Variants in FBXL13 observed in about 807,000 individuals in gnomAD.
The protein encoded by FBXL13 is F-box and leucine rich repeat protein 13.
A neutral mutation model predicts 83.6 loss-of-function variants in FBXL13; 67 were observed. That is an observed-to-expected ratio of 0.80 (90% CI 0.66 to 0.98). The LOEUF (loss-of-function observed/expected upper bound fraction) is 0.98. Ranked by LOEUF, FBXL13 falls within the 50% of genes least tolerant of loss-of-function variation. The pLI is 0.00. For missense variants in FBXL13, 822 were observed against 866.5 expected (o/e 0.95, Z 0.64); for synonymous variants, 272 against 299.5 (o/e 0.91, Z 0.95).
chr7:102,812,677 GCTTT>G (rs1054761906), downstream of FBXL13, among the ~76,000 whole-genome samples: 1 of 151,928 alleles, frequency 6.6e-6, no homozygotes, highest in African/African-American at 2.4e-5. Flanking sequence ...GGCCATCTCT[GCTTT>G]CTTTTTCCTT....
chr7:103,038,388 A>T (rs1795295588), intron 2 of FBXL13, among the ~76,000 whole-genome samples: 1 of 152,254 alleles, frequency 6.6e-6, no homozygotes, highest in South Asian at 2.1e-4. Context: ...GACAGGGCAT[A>T]GTAGAACAAA....
At chr7:102,829,761 A>G (rs1375614636) in intron 18 of FBXL13, among the ~76,000 whole-genome samples, 6 of 152,168 alleles carry the variant, frequency 3.9e-5, no homozygotes, top group African/African-American at 1.2e-4. Context: ...AGATAAGGTG[A>G]CCATTCAAAA....
chr7:102,898,238 C>T (rs1812510383), intron 11 of FBXL13, among the ~76,000 whole-genome samples: 2 of 151,954 alleles, frequency 1.3e-5, no homozygotes, highest in South Asian at 2.1e-4. Flanking sequence ...CATATATATC[C>T]ATGTATATAT....
chr7:103,024,458 C>T (rs1368384344), intron 6 of FBXL13, among the ~76,000 whole-genome samples: 2 of 138,468 alleles, frequency 1.4e-5, no homozygotes, highest in African/African-American at 5.4e-5. Context: ...ACCCAGGAGG[C>T]GGAGGTTGCA....
At chr7:102,943,351 C>A (rs1478959309) in intron 8 of FBXL13, among the ~76,000 whole-genome samples, 1 of 146,636 alleles carries the variant, frequency 6.8e-6, no homozygotes. Flanking sequence ...AAAAAAAAAG[C>A]CCAAAATACA....
intron 11 of FBXL13, among the ~76,000 whole-genome samples, chr7:102,900,962 G>A (rs746393188): frequency 2.6e-5 from 4 of 152,208 alleles, no homozygotes; most frequent in Non-Finnish European, 5.9e-5. Context: ...TACACATTTA[G>A]AAACTCAAAT....
At chr7:102,877,038 C>T (rs1023623014) in intron 16 of FBXL13, among the ~76,000 whole-genome samples, 2 of 152,144 alleles carry the variant, frequency 1.3e-5, no homozygotes, top group Admixed American at 6.5e-5. Flanking sequence ...ATTCCATATC[C>T]TTTTGTAGAT....
intron 6 of FBXL13, among the ~76,000 whole-genome samples, chr7:103,018,347 C>G (rs1355044534): frequency 1.3e-5 from 2 of 152,142 alleles, no homozygotes; most frequent in Non-Finnish European, 1.5e-5. Flanking sequence ...AAAGGAACAA[C>G]CGGTACCAGC....
intron 2 of FBXL13, among the ~76,000 whole-genome samples, chr7:103,043,078 A>G (rs1795901245): frequency 6.6e-6 from 1 of 152,234 alleles, no homozygotes; most frequent in Non-Finnish European, 1.5e-5. Flanking sequence ...TCATCTGACA[A>G]AGGGCTAATA....
chr7:102,843,379 G>A (rs1316117089), intron 17 of FBXL13, among the ~76,000 whole-genome samples: 2 of 152,136 alleles, frequency 1.3e-5, no homozygotes, highest in East Asian at 3.8e-4. Context: ...GGAGGCAGAG[G>A]TTGCAGTGAG....
chr7:102,850,254 C>T (rs6967389), intron 17 of FBXL13, among the ~76,000 whole-genome samples: 29,164 of 151,822 alleles, frequency 0.19, 3,064 homozygotes, highest in East Asian at 0.43. Flanking sequence ...CTGGACCCCA[C>T]AGAATCAAAA....
intron 2 of FBXL13, among the ~76,000 whole-genome samples, chr7:103,033,092 C>A (rs1236662459): frequency 6.6e-6 from 1 of 152,108 alleles, no homozygotes; most frequent in Non-Finnish European, 1.5e-5. Context: ...TACACACTCA[C>A]ACACACAGAG....
intron 3 of FBXL13, 98 bp from the exon 5 acceptor site, chr7:103,028,846 T>A: frequency 9.5e-7 from 1 of 1,051,324 alleles, no homozygotes; most frequent in Non-Finnish European, 1.3e-6. Flanking sequence ...ATCTCCTTTA[T>A]GACCTCAAAA....
At chr7:102,855,854 T>C (rs895599395) in intron 16 of FBXL13, among the ~76,000 whole-genome samples, 16 of 152,014 alleles carry the variant, frequency 1.1e-4, no homozygotes, top group African/African-American at 3.9e-4. Context: ...GTTTGTTTTG[T>C]TTTGCTTTGC....
intron 6 of FBXL13, among the ~76,000 whole-genome samples, chr7:102,980,918 A>G (rs1030084990): frequency 4.7e-4 from 1 of 2,142 alleles, no homozygotes; most frequent in Admixed American, 0.012. Flanking sequence ...CATCAAAATG[A>G]AAACCTTGTG....
At chr7:102,826,878 T>C (rs1311481685) in intron 18 of FBXL13, among the ~76,000 whole-genome samples, 1 of 143,884 alleles carries the variant, frequency 7.0e-6, no homozygotes, top group African/African-American at 2.5e-5. Context: ...GGAGAGGCTC[T>C]TAGGAAATTA....
intron 17 of FBXL13, among the ~76,000 whole-genome samples, chr7:102,844,282 G>A (rs899769124): frequency 5.3e-5 from 8 of 152,144 alleles, no homozygotes; most frequent in Non-Finnish European, 1.2e-4. Flanking sequence ...GAACAATGAC[G>A]ATTATCGAAG....
intron 6 of FBXL13, among the ~76,000 whole-genome samples, chr7:102,994,993 C>T (rs752173145): frequency 7.2e-5 from 11 of 152,144 alleles, no homozygotes; most frequent in Admixed American, 1.3e-4. Flanking sequence ...CTTTCAGATT[C>T]GCACATAAAA....
At chr7:102,825,222 T>C (rs897723463) in intron 18 of FBXL13, among the ~76,000 whole-genome samples, 1 of 152,176 alleles carries the variant, frequency 6.6e-6, no homozygotes, top group Non-Finnish European at 1.5e-5. Flanking sequence ...ATATTGAAAC[T>C]TAACCCAAGA....
Sources: allele counts gnomAD v4.1 joint callset (sites outside exome capture counted in the v4.1 genomes callset), GRCh38; gene constraint gnomAD v4.1.1; transcripts MANE v1.5; gene names NCBI Gene and HGNC (gene_info 2026-07-23, HGNC 2026-07-21).